Variants in DPP10 observed in about 807,000 individuals in gnomAD.
DPP10 encodes dipeptidyl peptidase like 10.
In DPP10, 33 loss-of-function variants were observed where a neutral mutation model predicts 120.9. The observed-to-expected ratio is 0.27, with a 90% CI of 0.21 to 0.37. The LOEUF (loss-of-function observed/expected upper bound fraction) is 0.37, where lower values mean the gene tolerates loss of function less well. Ranked by LOEUF, DPP10 falls within the 10% of genes least tolerant of loss-of-function variation. The probability of loss-of-function intolerance (pLI) is 1.00; values close to 1 mark genes in which losing one functional copy is unlikely to be tolerated. For synonymous variants in DPP10, 337 were observed against 326.1 expected (o/e 1.03, Z -0.36); for missense variants, 816 against 942.8 (o/e 0.87, Z 1.76).
At chr2:115,631,037 C>CTTTTTTTTTTT (rs58468918) in intron 5 of DPP10, among the ~76,000 whole-genome samples, 4 of 111,350 alleles carry the variant, frequency 3.6e-5, no homozygotes, top group African/African-American at 1.4e-4. Flanking sequence ...TGATCCTGGG[C>CTTTTTTTTTTT]TTTTTTTTTT....
chr2:114,996,297 C>T (rs540258362), intron 1 of DPP10, among the ~76,000 whole-genome samples: 5 of 152,264 alleles, frequency 3.3e-5, no homozygotes, highest in South Asian at 2.1e-4. Context: ...CTGTAAATCA[C>T]GTTCTACTTT....
intron 1 of DPP10, among the ~76,000 whole-genome samples, chr2:115,121,298 A>G (rs2049812892): frequency 1.3e-5 from 2 of 152,214 alleles, no homozygotes. Context: ...TTTCGAGGGA[A>G]GTGATACCAT....
intron 1 of DPP10, among the ~76,000 whole-genome samples, chr2:114,444,339 A>T (rs1175594007): frequency 1.3e-5 from 2 of 152,212 alleles, no homozygotes; most frequent in Admixed American, 1.3e-4. Context: ...AGTGGGAAAT[A>T]TGTATTGAAG....
rs996554920 is a variant in DPP10 at position 114,745,049 on chromosome 2, C to T, written c.60+302211C>T. The stretch of plus-strand genomic sequence containing the variant: ...TGCTTGGATGACAGGCGTGAGCCAC[C>T]GTGCCTGGCCACAATGCCTGCAATA... On this transcript the variant is annotated intron_variant, in intron 1 of 25. Transcript: ENST00000410059. Among the ~76,000 whole-genome samples the T allele has an allele frequency of 5.3e-5, 8 of 151,998 alleles. No homozygotes were observed. The South Asian group carries it at 6.2e-4, about 12-fold the overall frequency.
intron 1 of DPP10, among the ~76,000 whole-genome samples, chr2:114,495,996 G>C (rs1326512365): frequency 6.6e-6 from 1 of 152,132 alleles, no homozygotes; most frequent in Non-Finnish European, 1.5e-5. Context: ...GATATCATTT[G>C]TATTAGTCAG....
chr2:114,756,761 C>T (rs1679787544), intron 1 of DPP10, among the ~76,000 whole-genome samples: 1 of 152,018 alleles, frequency 6.6e-6, no homozygotes, highest in South Asian at 2.1e-4. Context: ...GGCAAGACCA[C>T]AGTCTCTCCC....
chr2:115,644,600 G>A (rs889814984), intron 5 of DPP10, among the ~76,000 whole-genome samples: 3 of 149,124 alleles, frequency 2.0e-5, no homozygotes, highest in African/African-American at 5.1e-5. Context: ...GAGACACTCC[G>A]TCTCTATAAG....
intron 5 of DPP10, among the ~76,000 whole-genome samples, chr2:115,575,299 A>G (rs2081585829): frequency 6.6e-6 from 1 of 152,204 alleles, no homozygotes; most frequent in Admixed American, 6.5e-5. Flanking sequence ...TGGATAAAAT[A>G]TATCTTTAAA....
At chr2:115,416,029 CAG>C (rs902272520) in intron 3 of DPP10, among the ~76,000 whole-genome samples, 25 of 151,752 alleles carry the variant, frequency 1.6e-4, no homozygotes, top group African/African-American at 6.0e-4. Flanking sequence ...GAAAGCAAAA[CAG>C]TAAACTTGAA....
intron 11 of DPP10, among the ~76,000 whole-genome samples, chr2:115,760,264 C>T (rs563743334): frequency 6.6e-6 from 1 of 152,246 alleles, no homozygotes; most frequent in South Asian, 2.1e-4. Context: ...ATACGCTCAA[C>T]AATATGAGCG....
chr2:115,490,154 G>A (rs1282608644), intron 3 of DPP10, among the ~76,000 whole-genome samples: 3 of 152,008 alleles, frequency 2.0e-5, no homozygotes, highest in South Asian at 2.1e-4. Flanking sequence ...TGTTCTCATG[G>A]TGGTATAAAG....
Position 114,552,068 on chromosome 2 carries a change from G to A in DPP10, c.60+109230G>A, listed in dbSNP as rs113409424. On this transcript the variant is annotated intron_variant, in intron 1 of 25. Coordinates refer to ENST00000410059, the MANE Select transcript of DPP10 (RefSeq NM_020868.6). ...GATTAACCAGAAGTTGTTTCGGCTA[G>A]GTACCGGCAGAGACAACATGGTACA... Among the ~76,000 whole-genome samples the A allele has an allele frequency of 8.4e-4, 128 of 152,298 alleles. 1 individual carries two copies. The highest frequency in any genetic ancestry group is 3.0e-3 in the African/African-American group (123 of 41,566).
chr2:114,844,476 T>C (rs1266012359), intron 1 of DPP10, among the ~76,000 whole-genome samples: 4 of 151,666 alleles, frequency 2.6e-5, no homozygotes, highest in African/African-American at 4.8e-5. Flanking sequence ...AATTCCCTTT[T>C]TGTGAATACA....
intron 3 of DPP10, among the ~76,000 whole-genome samples, chr2:115,382,780 A>G (rs908973802): frequency 1.3e-5 from 2 of 152,170 alleles, no homozygotes; most frequent in Non-Finnish European, 2.9e-5. Context: ...CCACCATTCA[A>G]TTATTCTTTT....
chr2:114,610,953 A>G (rs1299529136), intron 1 of DPP10, among the ~76,000 whole-genome samples: 3 of 151,682 alleles, frequency 2.0e-5, no homozygotes, highest in Non-Finnish European at 2.9e-5. Flanking sequence ...CAGGACAGCT[A>G]TTTTCTGCCA....
chr2:115,422,717 A>G (rs1156918601), intron 3 of DPP10, among the ~76,000 whole-genome samples: 1 of 152,206 alleles, frequency 6.6e-6, no homozygotes, highest in Non-Finnish European at 1.5e-5. Context: ...ATATCCAATA[A>G]TGTCAGTTCA....
intron 1 of DPP10, among the ~76,000 whole-genome samples, chr2:115,247,750 C>G (rs76037198): frequency 6.6e-6 from 1 of 152,066 alleles, no homozygotes; most frequent in Non-Finnish European, 1.5e-5. Context: ...ATGCAGTCTA[C>G]ACTTTCAAGA....
At chr2:115,470,917 C>T (rs1478475987) in intron 3 of DPP10, among the ~76,000 whole-genome samples, 1 of 152,142 alleles carries the variant, frequency 6.6e-6, no homozygotes, top group Non-Finnish European at 1.5e-5. Flanking sequence ...AATATTGTAA[C>T]TATCTGCAGC....
chr2:115,359,180 T>C (rs2064607175), intron 3 of DPP10, among the ~76,000 whole-genome samples: 1 of 152,210 alleles, frequency 6.6e-6, no homozygotes, highest in African/African-American at 2.4e-5. Flanking sequence ...GATCATGTTA[T>C]TACCTGGTTG....
Sources: allele counts gnomAD v4.1 joint callset (sites outside exome capture counted in the v4.1 genomes callset), GRCh38; gene constraint gnomAD v4.1.1; transcripts MANE v1.5; gene names NCBI Gene and HGNC (gene_info 2026-07-23, HGNC 2026-07-21).